Variants in SEMA5A observed in about 807,000 individuals in gnomAD.
SEMA5A encodes the protein semaphorin 5A, also known as semaphorin-5A.
SEMA5A carries 55 observed loss-of-function variants against 135.5 expected under a neutral mutation model. The ratio of observed to expected loss-of-function variants is 0.41; its 90% CI spans 0.33 to 0.51. SEMA5A has a LOEUF of 0.51. Ranked by LOEUF, SEMA5A falls within the 20% of genes least tolerant of loss-of-function variation. SEMA5A has a pLI of 0.37. For synonymous variants in SEMA5A, 580 were observed against 546.5 expected (o/e 1.06, Z -0.85); for missense variants, 1,290 against 1,419.9 (o/e 0.91, Z 1.47).
At chr5:9,393,574 T>C (rs781014041) in intron 2 of SEMA5A, among the ~76,000 whole-genome samples, 1 of 152,184 alleles carries the variant, frequency 6.6e-6, no homozygotes, top group African/African-American at 2.4e-5. Context: ...TAAAATTATA[T>C]GAGTTAATTT....
At chr5:9,096,726 A>T (rs1217901075) in intron 16 of SEMA5A, among the ~76,000 whole-genome samples, 1 of 152,326 alleles carries the variant, frequency 6.6e-6, no homozygotes, top group East Asian at 1.9e-4. Context: ...CAAGGTATAT[A>T]AAGAACTCAT....
chr5:9,368,408 A>G (rs1354794990), intron 3 of SEMA5A, among the ~76,000 whole-genome samples: 1 of 152,204 alleles, frequency 6.6e-6, no homozygotes, highest in Non-Finnish European at 1.5e-5. Context: ...GGTTTCATAG[A>G]GGTATTATTT....
chr5:9,230,853 A>G (rs1747591591), intron 6 of SEMA5A, among the ~76,000 whole-genome samples: 2 of 152,308 alleles, frequency 1.3e-5, no homozygotes, highest in Admixed American at 6.5e-5. Context: ...TACAGGAGCA[A>G]CGAGTGGAGG....
chr5:9,420,262 T>C (rs666617), intron 2 of SEMA5A, among the ~76,000 whole-genome samples: 34,115 of 152,004 alleles, frequency 0.22, 3,966 homozygotes, highest in East Asian at 0.33. Flanking sequence ...CATTCCATCT[T>C]TGTTTATGCA....
At chr5:9,485,953 C>T (rs1579619222) in intron 1 of SEMA5A, among the ~76,000 whole-genome samples, 1 of 152,112 alleles carries the variant, frequency 6.6e-6, no homozygotes, top group Middle Eastern at 3.4e-3. Flanking sequence ...ATGGGGAAAG[C>T]ATATTTTAGA....
At chr5:9,410,859 A>C (rs1757080909) in intron 2 of SEMA5A, among the ~76,000 whole-genome samples, 1 of 148,722 alleles carries the variant, frequency 6.7e-6, no homozygotes, top group African/African-American at 2.5e-5. Flanking sequence ...AAAAATTTTA[A>C]AGAATAAAAG....
chr5:9,328,960 C>T lies in SEMA5A; in HGVS notation c.224+8753G>A, dbSNP rs144659183. ...TTATAATCTGGCCCCAGCTAATGCT[C>T]AGAGCTTCACCTATAATTACTTCCC... On this transcript the variant is annotated intron_variant, in intron 4 of 22. Coordinates refer to ENST00000382496, the MANE Select transcript of SEMA5A (RefSeq NM_003966.3). Among the ~76,000 whole-genome samples the T allele has an allele frequency of 5.7e-3, 866 of 152,272 alleles. 8 individuals are homozygous for T. The highest frequency in any genetic ancestry group is 8.7e-3 in the Non-Finnish European group (593 of 68,028).
intron 5 of SEMA5A, among the ~76,000 whole-genome samples, chr5:9,257,973 AGAT>A (rs1414587247): frequency 1.3e-5 from 2 of 152,170 alleles, no homozygotes; most frequent in Non-Finnish European, 2.9e-5. Flanking sequence ...TCGAGGCTAT[AGAT>A]GATACCACTA....
At chr5:9,304,953 TC>T (rs1160167822) in intron 5 of SEMA5A, among the ~76,000 whole-genome samples, 1 of 152,212 alleles carries the variant, frequency 6.6e-6, no homozygotes, top group Non-Finnish European at 1.5e-5. Flanking sequence ...CTCCTTTTTG[TC>T]TAAATGCATT....
chr5:9,519,702 C>G (rs938791213), intron 1 of SEMA5A, among the ~76,000 whole-genome samples: 1 of 152,178 alleles, frequency 6.6e-6, no homozygotes, highest in African/African-American at 2.4e-5. Context: ...ATTACGAAAT[C>G]CACACAATTA....
chr5:9,319,969 A>G (rs1407685615), intron 4 of SEMA5A, among the ~76,000 whole-genome samples: 1 of 152,110 alleles, frequency 6.6e-6, no homozygotes, highest in Non-Finnish European at 1.5e-5. Context: ...GGGAGGACAA[A>G]GCCCCCATGG....
intron 4 of SEMA5A, among the ~76,000 whole-genome samples, chr5:9,333,269 C>T (rs1264233830): frequency 6.6e-6 from 1 of 152,214 alleles, no homozygotes; most frequent in Non-Finnish European, 1.5e-5. Flanking sequence ...ACTCATGCTA[C>T]AGATGCTTTG....
rs373569558 is a variant in SEMA5A at position 9,314,822 on chromosome 5, T to C, written c.270+3550A>G. ...GCAGAATTGCCCTGCTTTGCACCAATGGTACAGCAGTCTGACCTCTATCAT... is the reference window on the plus strand; with the variant it reads ...GCAGAATTGCCCTGCTTTGCACCAACGGTACAGCAGTCTGACCTCTATCAT... On this transcript the variant is annotated intron_variant, in intron 5 of 22. Transcript: ENST00000382496. 2.0e-5 allele frequency among the ~76,000 whole-genome samples: 3 copies of C among 152,228 alleles called. No homozygotes were observed. The East Asian group carries it at 5.8e-4, about 29-fold the overall frequency.
At chr5:9,424,607 C>T (rs577572338) in intron 2 of SEMA5A, among the ~76,000 whole-genome samples, 10 of 152,170 alleles carry the variant, frequency 6.6e-5, no homozygotes, top group Non-Finnish European at 1.5e-4. Flanking sequence ...GCCTTCAACT[C>T]AAAGTTAACA....
At chr5:9,169,746 C>T (rs756840733) in intron 11 of SEMA5A, among the ~76,000 whole-genome samples, 10 of 152,172 alleles carry the variant, frequency 6.6e-5, no homozygotes, top group Non-Finnish European at 1.5e-4. Flanking sequence ...CAAGGAAGGG[C>T]CTCCAGGCTG....
At chr5:9,280,965 A>G (rs1288055426) in intron 5 of SEMA5A, among the ~76,000 whole-genome samples, 1 of 152,218 alleles carries the variant, frequency 6.6e-6, no homozygotes, top group Non-Finnish European at 1.5e-5. Flanking sequence ...TGAATTAAGA[A>G]CTTCTAGGCT....
chr5:9,512,155 G>A (rs985222087), intron 1 of SEMA5A: 2 of 152,056 alleles, frequency 1.3e-5, no homozygotes, highest in Admixed American at 1.3e-4. Flanking sequence ...CATAGCCCCA[G>A]CTCCACCTCC....
intron 11 of SEMA5A, among the ~76,000 whole-genome samples, chr5:9,161,116 GT>G (rs936494055): frequency 3.9e-5 from 5 of 127,474 alleles, no homozygotes; most frequent in African/African-American, 7.9e-5. Context: ...AGAGAAATGT[GT>G]TTTTTAGTGG....
chr5:9,273,201 T>C (rs559678792), intron 5 of SEMA5A, among the ~76,000 whole-genome samples: 23 of 152,138 alleles, frequency 1.5e-4, no homozygotes, highest in African/African-American at 5.5e-4. Flanking sequence ...TACACAAGTA[T>C]CAATAGCTGA....
Sources: allele counts gnomAD v4.1 joint callset (sites outside exome capture counted in the v4.1 genomes callset), GRCh38; gene constraint gnomAD v4.1.1; transcripts MANE v1.5; gene names NCBI Gene and HGNC (gene_info 2026-07-23, HGNC 2026-07-21).